The following LSMEM1 variants were observed in gnomAD, a reference collection of about 807,000 sequenced individuals.
LSMEM1 encodes leucine rich single-pass membrane protein 1.
A neutral mutation model predicts 11.3 loss-of-function variants in LSMEM1; 10 were observed. That is an observed-to-expected ratio of 0.89 (90% CI 0.55 to 1.50). LSMEM1 has a LOEUF of 1.50. Among genes scored for constraint, LSMEM1 ranks in the 40% most tolerant of loss-of-function variants. The pLI is 0.00. For missense variants in LSMEM1, 151 were observed against 152.9 expected (o/e 0.99, Z 0.06); for synonymous variants, 65 against 59.3 (o/e 1.10, Z -0.44).
chr7:112,482,276 G>GT (rs1050940279), intron 1 of LSMEM1, among the ~76,000 whole-genome samples: 32 of 152,030 alleles, frequency 2.1e-4, no homozygotes, highest in Admixed American at 5.9e-4. Context: ...TGTTGTCTTA[G>GT]TTTTTTTTGG....
chr7:112,488,929 G>A (rs1796187968), intron 3 of LSMEM1, among the ~76,000 whole-genome samples: 1 of 152,156 alleles, frequency 6.6e-6, no homozygotes, highest in Non-Finnish European at 1.5e-5. Context: ...TACCAGTGCT[G>A]AAACTGAGAT....
chr7:112,486,754 T>G, intron 2 of LSMEM1, 169 bp from the exon 3 acceptor site: 1 of 862,932 alleles, frequency 1.2e-6, no homozygotes, highest in South Asian at 1.9e-5. Context: ...CCAGCCTGGT[T>G]GACAGAGCAA....
At chr7:112,482,422 T>C (rs573402640) in intron 1 of LSMEM1, among the ~76,000 whole-genome samples, 7 of 152,158 alleles carry the variant, frequency 4.6e-5, no homozygotes, top group Non-Finnish European at 1.0e-4. Context: ...CAGTATGAAA[T>C]TGAAGCAACA....
At chr7:112,480,687 T>C (rs1796014377), upstream of LSMEM1, 1 of 377,820 alleles carries the variant, frequency 2.6e-6, no homozygotes. Flanking sequence ...GCCGATGAGA[T>C]GGAGTGCTTC....
chr7:112,483,037 G>A (rs1796059400), intron 1 of LSMEM1, among the ~76,000 whole-genome samples: 1 of 151,810 alleles, frequency 6.6e-6, no homozygotes, highest in African/African-American at 2.4e-5. Flanking sequence ...GTAGTTTTAG[G>A]TATTACTGGG....
At chr7:112,480,562 G>A (rs1020676837), upstream of LSMEM1, among the ~76,000 whole-genome samples, 1 of 152,168 alleles carries the variant, frequency 6.6e-6, no homozygotes, top group Admixed American at 6.5e-5. Flanking sequence ...GTACAGCAGA[G>A]GGCAGAAGCT....
chr7:112,485,055 G>A lies in LSMEM1; in HGVS notation c.127+112G>A, dbSNP rs1796103330. 3.9e-6 allele frequency: 5 copies of A among 1,286,362 alleles called. No homozygotes were observed. The Admixed American group carries it at 7.7e-5, about 20-fold the overall frequency. 79.7% of individuals were successfully genotyped at this position (1,286,362 alleles called of 1,614,324 possible). On this transcript the variant is annotated intron_variant, in intron 2 of 3. Coordinates refer to ENST00000312849, the MANE Select transcript of LSMEM1 (RefSeq NM_182597.3). The stretch of plus-strand genomic sequence containing the variant: ...GTGGAGGGGGAGGGGGCATTAGGAA[G>A]AGGTTGGCACTGGAAATGTTATTTG...
chr7:112,481,229 G>T lies in LSMEM1; in HGVS notation c.-123G>T, dbSNP rs1481643797. On this transcript the variant is annotated 5_prime_UTR_variant, in exon 1 of 4. Coordinates refer to ENST00000312849, the MANE Select transcript of LSMEM1 (RefSeq NM_182597.3). ...CGTATGCTGAAGAAAGGCAAAGAGA[G>T]AACTACAGAATTTGTAGAAAAGTTT... 1 of 158,146 alleles carries T rather than the reference G, an allele frequency of 6.3e-6. No homozygotes were observed. The highest frequency in any genetic ancestry group is 2.4e-5 in the African/African-American group (1 of 41,470). The allele number at this position is 158,146 out of a possible 1,614,324, so 9.8% of individuals were successfully genotyped here.
At chr7:112,482,101 T>G (rs749618866) in intron 1 of LSMEM1, among the ~76,000 whole-genome samples, 2 of 152,268 alleles carry the variant, frequency 1.3e-5, no homozygotes, top group African/African-American at 2.4e-5. Context: ...TTGCAGGCTC[T>G]TGGAGCCCTG....
chr7:112,487,554 C>G (rs1197833389), intron 3 of LSMEM1, among the ~76,000 whole-genome samples: 3 of 152,236 alleles, frequency 2.0e-5, no homozygotes, highest in African/African-American at 7.2e-5. Context: ...TGGCTTCTTT[C>G]CAATTTGATC....
Position 112,490,171 on chromosome 7 carries a change from T to C in LSMEM1, c.*222T>C, listed in dbSNP as rs1796211196. ...AGGGGTGAACTTGTCTCAGCCCCCT[T>C]TTATGGTAGGGCACTTCAACTTTAA... On this transcript the variant is annotated 3_prime_UTR_variant, in exon 4 of 4. Coordinates refer to ENST00000312849, the MANE Select transcript of LSMEM1 (RefSeq NM_182597.3). 1 of 449,616 alleles carries C rather than the reference T, an allele frequency of 2.2e-6. No individual in the cohort carries two copies. The highest frequency in any genetic ancestry group is 3.9e-6 in the Non-Finnish European group (1 of 255,468). 27.9% of individuals were successfully genotyped at this position (449,616 alleles called of 1,614,324 possible).
chr7:112,486,972 C>G lies in LSMEM1; in HGVS notation c.177C>G (p.Ser59Arg). 11 of 1,614,118 alleles carry G rather than the reference C, an allele frequency of 6.8e-6. No homozygotes were observed. The highest frequency in any genetic ancestry group is 9.3e-6 in the Non-Finnish European group (11 of 1,180,008). ...PVLGTNSGNG[S>R]RSLFFVGLLI... ...TTGGCACAAACTCAGGAAATGGAAG[C>G]CGGAGTCTGTTTTTTGTGGGGCTGC... The change falls in exon 3 of 4, where the codon AGC (serine) becomes AGG (arginine). Residue 59 changes from serine to arginine, a missense_variant. By Grantham distance (110) the Ser-to-Arg change is moderately radical (BLOSUM62 -1). Transcript: ENST00000312849.
At position 112,490,733 on chromosome 7, in the gene LSMEM1, T is replaced by G. The variant is rs1223320062; in HGVS notation, c.*784T>G. 1 of 152,206 alleles carries G rather than the reference T, an allele frequency of 6.6e-6. No individual in the cohort carries two copies. Among genetic ancestry groups the G allele is most frequent in the Non-Finnish European group, 1.5e-5 (1 of 68,040 alleles). 9.4% of individuals were successfully genotyped at this position (152,206 alleles called of 1,614,324 possible). On this transcript the variant is annotated 3_prime_UTR_variant, in exon 4 of 4. Coordinates refer to ENST00000312849, the MANE Select transcript of LSMEM1 (RefSeq NM_182597.3). Reference sequence around the variant, plus strand: ...ACCCCTTTGGCACCCTGCTGATTGATTTGGAAGAAATCTGATAGATTTGTG... The same window carrying G: ...ACCCCTTTGGCACCCTGCTGATTGAGTTGGAAGAAATCTGATAGATTTGTG...
At chr7:112,482,410 C>T (rs1007850324) in intron 1 of LSMEM1, among the ~76,000 whole-genome samples, 2 of 152,140 alleles carry the variant, frequency 1.3e-5, no homozygotes, top group African/African-American at 4.8e-5. Context: ...TTGATTAAGC[C>T]TCAGTATGAA....
chr7:112,481,683 A>G (rs1167492288), intron 1 of LSMEM1, among the ~76,000 whole-genome samples: 5 of 152,234 alleles, frequency 3.3e-5, no homozygotes, highest in African/African-American at 9.6e-5. Flanking sequence ...GCAATTTTTC[A>G]TAGACAATTA....
intron 2 of LSMEM1, among the ~76,000 whole-genome samples, chr7:112,485,836 C>T (rs1446552735): frequency 2.0e-5 from 3 of 151,694 alleles, no homozygotes; most frequent in African/African-American, 7.3e-5. Flanking sequence ...GTGAGTGGGA[C>T]CAATTCAACG....
rs1796144525 is a variant in LSMEM1 at position 112,487,020 on chromosome 7, G to T, written c.225G>T (p.Leu75=). The stretch of plus-strand genomic sequence containing the variant: ...TGCTAATTGTGCTGATTGTCAGCCT[G>T]GCACTGGTTTTTTTCGTGATATTTC... The part of the protein sequence containing the change: ...VGLLIVLIVS[L]ALVFFVIFLI... The change falls in exon 3 of 4, where the codon CTG becomes CTT. Residue 75 remains leucine, a synonymous_variant. Transcript: ENST00000312849. The T allele has an allele frequency of 6.2e-7, 1 of 1,614,072 alleles. No homozygotes were observed. Among genetic ancestry groups the T allele is most frequent in the Non-Finnish European group, 8.5e-7 (1 of 1,179,994 alleles).
At chr7:112,483,347 A>G (rs1319914886) in intron 1 of LSMEM1, 1 of 152,134 alleles carries the variant, frequency 6.6e-6, no homozygotes, top group African/African-American at 2.4e-5. Flanking sequence ...CTGTTCATGT[A>G]CTTATTATTA....
intron 2 of LSMEM1, chr7:112,486,117 A>AT (rs1796123123): frequency 6.1e-6 from 1 of 164,580 alleles, no homozygotes. Flanking sequence ...GGTCAGGGCC[A>AT]TTTTTGTTTA....
Sources: gnomAD v4.1 joint callset for allele counts (sites outside exome capture counted in the v4.1 genomes callset) on GRCh38, gnomAD v4.1.1 for gene constraint, MANE v1.5 for transcripts, NCBI Gene and HGNC (gene_info 2026-07-23, HGNC 2026-07-21) for gene names.